The following LRRC74A variants were observed in gnomAD, a reference collection of about 807,000 sequenced individuals.
LRRC74A encodes the protein leucine rich repeat containing 74A.
In LRRC74A, 44 loss-of-function variants were observed where a neutral mutation model predicts 57.9. That is an observed-to-expected ratio of 0.76 (90% confidence interval 0.60 to 0.98). The LOEUF (loss-of-function observed/expected upper bound fraction) is 0.98, where lower values mean the gene tolerates loss of function less well. Among genes scored for constraint, LRRC74A ranks in the 50% least tolerant of loss-of-function variants. The pLI is 0.00. For synonymous variants in LRRC74A, 211 were observed against 219.4 expected, an observed-to-expected ratio of 0.96 and a Z score of 0.34; for missense variants, 572 against 574.0, an observed-to-expected ratio of 1.00 and a Z score of 0.04.
Position 76,865,957 on chromosome 14 carries a change from G to A in LRRC74A, c.1201-11G>A, listed in dbSNP as rs779766401. On this transcript the variant is annotated splice_polypyrimidine_tract_variant and intron_variant, in intron 11 of 13. Transcript: ENST00000689127. Reference sequence around the variant, plus strand: ...CAAGTGTTTGCTCCTGGTCTCTCCTGCTTCTCTCAGAGCTATGCAGACCAA... The same window carrying A: ...CAAGTGTTTGCTCCTGGTCTCTCCTACTTCTCTCAGAGCTATGCAGACCAA... 1 of 1,549,300 alleles carries A rather than the reference G, an allele frequency of 6.5e-7. No homozygotes were observed. The highest frequency in any genetic ancestry group is 8.9e-7 in the Non-Finnish European group (1 of 1,126,424).
intron 3 of LRRC74A, 105 bp downstream of exon 3, chr14:76,831,480 C>G (rs989723819): frequency 1.6e-6 from 2 of 1,225,786 alleles, no homozygotes; most frequent in Non-Finnish European, 2.3e-6. Context: ...TAAACCCACA[C>G]TTTATGCCCT....
At chr14:76,828,633 C>T (rs1221164969) in intron 2 of LRRC74A, 1 of 705,622 alleles carries the variant, frequency 1.4e-6, no homozygotes. Flanking sequence ...TTGTCACCTG[C>T]CTCAGGAGCA....
In LRRC74A at chr14:76,826,497, T is replaced by G. The variant is rs771145083; in HGVS notation, c.-201T>G. 3 of 1,577,584 alleles carry G rather than the reference T, an allele frequency of 1.9e-6. No homozygotes were observed. Among genetic ancestry groups the G allele is most frequent in the Non-Finnish European group, 2.6e-6 (3 of 1,159,160 alleles). On this transcript the variant is annotated 5_prime_UTR_variant, in exon 1 of 14. The change abolishes an upstream ATG in the 5' untranslated region. Coordinates refer to ENST00000689127, the MANE Select transcript of LRRC74A (RefSeq NM_001385106.1). ...CCAGACAGAGTTGGGGTCAAATTCATGCACATCCAATTCCCATCAAAGCCT... is the reference window on the plus strand; with the variant it reads ...CCAGACAGAGTTGGGGTCAAATTCAGGCACATCCAATTCCCATCAAAGCCT...
In LRRC74A at chr14:76,844,490, C is replaced by T. The variant is rs756552856; in HGVS notation, c.594+18C>T. On this transcript the variant is annotated intron_variant, in intron 6 of 13. Transcript: ENST00000689127. Reference sequence around the variant, plus strand: ...CCCTGTCGGTAAGAGGCAGGGAGTGCAGCCAAGCCACGTGGGCGATGTCCC... The same window carrying T: ...CCCTGTCGGTAAGAGGCAGGGAGTGTAGCCAAGCCACGTGGGCGATGTCCC... 18 of 1,609,796 alleles carry T rather than the reference C, an allele frequency of 1.1e-5. No homozygotes were observed. The East Asian group carries it at 3.8e-4, about 34-fold the overall frequency.
At chr14:76,856,409 G>A (rs898286602) in intron 9 of LRRC74A, among the ~76,000 whole-genome samples, 5 of 152,210 alleles carry the variant, frequency 3.3e-5, no homozygotes, top group Non-Finnish European at 7.3e-5. Flanking sequence ...ACAGTGTTAA[G>A]TTACCCGAGG....
chr14:76,849,758 G>A (rs61989411), intron 7 of LRRC74A, among the ~76,000 whole-genome samples: 4 of 148,324 alleles, frequency 2.7e-5, no homozygotes, highest in South Asian at 2.1e-4. Context: ...AGCAGACATC[G>A]TGCCACTGCA....
At chr14:76,834,585 G>T (rs569067558) in intron 3 of LRRC74A, among the ~76,000 whole-genome samples, 10 of 152,266 alleles carry the variant, frequency 6.6e-5, no homozygotes, top group African/African-American at 2.4e-4. Context: ...CTGTACCCTT[G>T]CATGTGGGGG....
At position 76,864,249 on chromosome 14, in the gene LRRC74A, G is replaced by A. The variant is rs761429671; in HGVS notation, c.1201-1719G>A. ...GAAATGTAGCTTTGGGAGGCACTCC[G>A]GAAGGGTGGGAGGCCGTGCACTCCA... is the stretch of plus-strand genomic sequence containing the variant. On this transcript the variant is annotated intron_variant, in intron 11 of 13. Transcript: ENST00000689127. Among the ~76,000 whole-genome samples, 5 of 152,074 alleles carry A rather than the reference G, an allele frequency of 3.3e-5. No individual in the cohort carries two copies. In the East Asian group the frequency reaches 7.7e-4, roughly 23 times the overall value.
chr14:76,827,783 G>A (rs1895677148), intron 1 of LRRC74A, among the ~76,000 whole-genome samples: 1 of 152,268 alleles, frequency 6.6e-6, no homozygotes, highest in Middle Eastern at 3.4e-3. Context: ...TAGGAATCAA[G>A]TTCTCTCTCT....
intron 4 of LRRC74A, among the ~76,000 whole-genome samples, 187 bp downstream of exon 4, chr14:76,836,501 C>T (rs570841707): frequency 6.6e-6 from 1 of 152,152 alleles, no homozygotes; most frequent in Non-Finnish European, 1.5e-5. Context: ...TGTAGGAAAA[C>T]CTAAGAAACA....
At chr14:76,836,698 G>A (rs1896369511) in intron 4 of LRRC74A, among the ~76,000 whole-genome samples, 3 of 150,642 alleles carry the variant, frequency 2.0e-5, no homozygotes, top group Non-Finnish European at 1.5e-5. Context: ...GGCTGAGGCA[G>A]GAGAATGGCT....
rs746898980 is a variant in LRRC74A, at chr14:76,860,762, G to T, written c.1123G>T (p.Val375Leu). ...GTATGCCGTTCACCCGCAGCTGGAC[G>T]TGGTATTCAAGGCAGTACAAGGCCT... is the stretch of plus-strand genomic sequence containing the variant. ...GVYAVHPQLDVVFKAVQGLSP... is the reference protein window; with the variant it reads ...GVYAVHPQLDLVFKAVQGLSP... Residue 375 changes from valine (V) to leucine (L), a missense_variant, in exon 11 of 14, where the codon GTG (valine) becomes TTG (leucine). By Grantham distance (32) the Val-to-Leu change is conservative. Transcript: ENST00000689127. 1.2e-6 allele frequency: 2 copies of T among 1,611,782 alleles called. No homozygotes were observed.
chr14:76,838,043 C>T, intron 5 of LRRC74A, 72 bp downstream of exon 5: 2 of 1,015,582 alleles, frequency 2.0e-6, no homozygotes, highest in Non-Finnish European at 3.0e-6. Flanking sequence ...ACAGAGAATT[C>T]AATGTCTCAT....
rs565328675 is a variant in LRRC74A, at chr14:76,852,457, C to G, written c.762+7C>G. The G allele has an allele frequency of 6.3e-7, 1 of 1,588,602 alleles. No individual in the cohort carries two copies. Among genetic ancestry groups the G allele is most frequent in the Non-Finnish European group, 8.6e-7 (1 of 1,160,916 alleles). On this transcript the variant is annotated splice_region_variant and intron_variant, in intron 8 of 13. Coordinates refer to ENST00000689127, the MANE Select transcript of LRRC74A (RefSeq NM_001385106.1). The stretch of plus-strand genomic sequence containing the variant: ...CTTGTGCAATGGTCTCCGGGTAAGG[C>G]ACTCTCCAGGAGTGATGTGTGGAGC...
chr14:76,846,509 A>G (rs1367088272), intron 7 of LRRC74A, among the ~76,000 whole-genome samples: 2 of 152,352 alleles, frequency 1.3e-5, no homozygotes, highest in South Asian at 2.1e-4. Context: ...AACAACCTAA[A>G]TAGTCATCCC....
intron 8 of LRRC74A, 28 bp downstream of exon 8, chr14:76,852,478 G>A: frequency 1.3e-6 from 2 of 1,537,682 alleles, no homozygotes; most frequent in Non-Finnish European, 1.8e-6. Flanking sequence ...AGTGATGTGT[G>A]GAGCCCAGTT....
chr14:76,846,466 C>T lies in LRRC74A; in HGVS notation c.676+1565C>T, dbSNP rs531277580. 2.0e-5 allele frequency among the ~76,000 whole-genome samples: 3 copies of T among 152,160 alleles called. No individual in the cohort carries two copies. In the South Asian group the frequency reaches 6.2e-4, roughly 32 times the overall value. ...AGAGAAATGTGTGAGGAGGTTATTACAGCATCGCCATAAAAGAGGAAAAAA... is the reference window on the plus strand; with the variant it reads ...AGAGAAATGTGTGAGGAGGTTATTATAGCATCGCCATAAAAGAGGAAAAAA... On this transcript the variant is annotated intron_variant, in intron 7 of 13. Coordinates refer to ENST00000689127, the MANE Select transcript of LRRC74A (RefSeq NM_001385106.1).
At chr14:76,866,332 T>C (rs1475235281) in intron 12 of LRRC74A, among the ~76,000 whole-genome samples, 1 of 152,124 alleles carries the variant, frequency 6.6e-6, no homozygotes, top group Non-Finnish European at 1.5e-5. Context: ...CAGAGACACA[T>C]GTTCTATCTT....
Position 76,829,237 on chromosome 14 carries a change from G to T in LRRC74A, c.166+818G>T, listed in dbSNP as rs1246957458. On this transcript the variant is annotated intron_variant, in intron 2 of 13. Coordinates refer to ENST00000689127, the MANE Select transcript of LRRC74A (RefSeq NM_001385106.1). ...CCCTGCATCCTTGCAGCTGGCTGGT[G>T]GGCAGTGATTCACAGGCAGCAGAGA... The T allele has an allele frequency of 4.7e-6, 6 of 1,264,544 alleles. No individual in the cohort carries two copies. The African/African-American group carries it at 9.2e-5, about 19-fold the overall frequency. The allele number at this position is 1,264,544 out of a possible 1,614,324, so 78.3% of individuals were successfully genotyped here.
Sources: allele counts gnomAD v4.1 joint callset (sites outside exome capture counted in the v4.1 genomes callset), GRCh38; gene constraint gnomAD v4.1.1; transcripts MANE v1.5; gene names NCBI Gene and HGNC (gene_info 2026-07-23, HGNC 2026-07-21).